Variants in SCAPER observed in about 807,000 individuals in gnomAD.
SCAPER encodes the protein S-phase cyclin A associated protein in the ER.
Under a neutral mutation model 182.2 loss-of-function variants are expected in SCAPER, and 98 were observed. The ratio of observed to expected loss-of-function variants is 0.54; its 90% confidence interval spans 0.46 to 0.64. The LOEUF is 0.64. SCAPER is among the 30% of genes least tolerant of loss of function. The probability of loss-of-function intolerance (pLI) is 0.00; values close to 1 mark genes in which losing one functional copy is unlikely to be tolerated. For missense variants in SCAPER, 1,432 were observed against 1,690.0 expected (o/e 0.85, Z 2.68); for synonymous variants, 605 against 564.6 (o/e 1.07, Z -1.01).
chr15:76,671,626 C>T lies in SCAPER; in HGVS notation c.2509-5837G>A, dbSNP rs138732715. On this transcript the variant is annotated intron_variant, in intron 20 of 31. Transcript: ENST00000563290. ...CTACTAAAAATACAAAAAAATTAGC[C>T]GGGAGTGATGGCAGGTGCCTGTAGT... 1.5e-3 allele frequency among the ~76,000 whole-genome samples: 231 copies of T among 151,922 alleles called. 2 individuals carry two copies. Among genetic ancestry groups the T allele is most frequent in the African/African-American group, 5.0e-3 (209 of 41,434 alleles).
At chr15:76,559,675 T>C (rs895710409) in intron 23 of SCAPER, among the ~76,000 whole-genome samples, 3 of 152,118 alleles carry the variant, frequency 2.0e-5, no homozygotes, top group African/African-American at 7.2e-5. Flanking sequence ...CATTTGTAAG[T>C]GGGAGCTAAA....
intron 15 of SCAPER, among the ~76,000 whole-genome samples, chr15:76,739,126 T>A (rs1228977215): frequency 6.6e-6 from 1 of 152,172 alleles, no homozygotes; most frequent in Non-Finnish European, 1.5e-5. Flanking sequence ...AGGATGTGCA[T>A]AAGTTATATG....
chr15:76,569,915 T>C (rs892497313), intron 23 of SCAPER, among the ~76,000 whole-genome samples: 2 of 152,160 alleles, frequency 1.3e-5, no homozygotes, highest in African/African-American at 2.4e-5. Flanking sequence ...TCTTTGATCA[T>C]TGTAAGCATA....
chr15:76,548,757 AC>A (rs1342485948), intron 23 of SCAPER, among the ~76,000 whole-genome samples: 1 of 152,228 alleles, frequency 6.6e-6, no homozygotes, highest in Non-Finnish European at 1.5e-5. Context: ...GAAAGCTGAA[AC>A]TGGATCCCTT....
chr15:76,791,841 A>C lies in SCAPER; in HGVS notation c.772+3439T>G, dbSNP rs1218068331. 4.6e-5 allele frequency among the ~76,000 whole-genome samples: 7 copies of C among 152,148 alleles called. No homozygotes were observed. The South Asian group carries it at 1.5e-3, about 32-fold the overall frequency. ...TTCATTTGAGACCCCAAAAGGCATA[A>C]GGACTAATTAAAACACATCAAACTT... is the stretch of plus-strand genomic sequence containing the variant. On this transcript the variant is annotated intron_variant, in intron 8 of 31. Transcript: ENST00000563290.
At chr15:76,539,160 G>T (rs562066672) in intron 23 of SCAPER, among the ~76,000 whole-genome samples, 4 of 152,156 alleles carry the variant, frequency 2.6e-5, no homozygotes, top group Non-Finnish European at 4.4e-5. Context: ...AAGCAAATTA[G>T]CTGTAGAAAA....
chr15:76,353,835 G>C (rs1453639605), intron 30 of SCAPER, 114 bp downstream of exon 30: 1 of 861,590 alleles, frequency 1.2e-6, no homozygotes, highest in Non-Finnish European at 1.7e-6. Flanking sequence ...ATAAATATGT[G>C]AAGATTTTAA....
chr15:76,844,946 T>C (rs2069907692), intron 4 of SCAPER, among the ~76,000 whole-genome samples: 1 of 152,098 alleles, frequency 6.6e-6, no homozygotes, highest in Non-Finnish European at 1.5e-5. Context: ...TTGATGAACA[T>C]TGACGCAAAA....
chr15:76,700,597 G>A (rs570222025), intron 20 of SCAPER, among the ~76,000 whole-genome samples: 1 of 152,224 alleles, frequency 6.6e-6, no homozygotes, highest in East Asian at 1.9e-4. Context: ...CTCAGAGTGT[G>A]CCAGCCTTCT....
chr15:76,840,737 G>C (rs900454058), intron 5 of SCAPER, among the ~76,000 whole-genome samples: 1 of 152,052 alleles, frequency 6.6e-6, no homozygotes, highest in African/African-American at 2.4e-5. Flanking sequence ...GTATCACTCT[G>C]GTTTTCCTCA....
intron 29 of SCAPER, among the ~76,000 whole-genome samples, chr15:76,360,977 A>C (rs2041369996): frequency 6.6e-6 from 1 of 152,094 alleles, no homozygotes; most frequent in South Asian, 2.1e-4. Context: ...TATTATGTCA[A>C]ATATATTTGT....
At chr15:76,379,581 A>G (rs937754782) in intron 28 of SCAPER, 6 of 152,126 alleles carry the variant, frequency 3.9e-5, no homozygotes, top group African/African-American at 4.8e-5. Flanking sequence ...CAAGTAGGGG[A>G]TAAGTTTCAA....
At chr15:76,856,306 G>A (rs2071363082) in intron 4 of SCAPER, among the ~76,000 whole-genome samples, 1 of 151,938 alleles carries the variant, frequency 6.6e-6, no homozygotes, top group Non-Finnish European at 1.5e-5. Flanking sequence ...AATAACTATT[G>A]GGTACTAGGC....
At chr15:76,459,040 ATGTGCCACCATGCC>A (rs2142933927) in intron 25 of SCAPER, among the ~76,000 whole-genome samples, 1 of 152,160 alleles carries the variant, frequency 6.6e-6, no homozygotes. Context: ...GACTACAGGC[ATGTGCCACCATGCC>A]TGGCAAATTC....
rs142450294 is a variant in SCAPER at position 76,858,873 on chromosome 15, T to C, written c.125-994A>G. On this transcript the variant is annotated intron_variant, in intron 3 of 31. Transcript: ENST00000563290. ...CACATTTTCTTTATCCAGTCTACCATTGATGGCCATTTAGGTTGATTCCAT... is the reference window on the plus strand; with the variant it reads ...CACATTTTCTTTATCCAGTCTACCACTGATGGCCATTTAGGTTGATTCCAT... Among the ~76,000 whole-genome samples the C allele has an allele frequency of 5.3e-3, 800 of 152,334 alleles. 8 individuals carry two copies. The highest frequency in any genetic ancestry group is 0.015 in the African/African-American group (605 of 41,588).
intron 14 of SCAPER, among the ~76,000 whole-genome samples, chr15:76,757,239 A>G (rs1158143832): frequency 1.3e-5 from 2 of 152,196 alleles, no homozygotes; most frequent in East Asian, 1.9e-4. Context: ...TTAATCTTGC[A>G]TAAGTCAAAC....
chr15:76,653,854 A>T (rs203753), intron 21 of SCAPER, among the ~76,000 whole-genome samples: 20,469 of 152,230 alleles, frequency 0.13, 1,418 homozygotes, highest in African/African-American at 0.17. Context: ...AATAAGCAAC[A>T]AGTGGGACAT....
At chr15:76,368,448 T>A (rs1297935696) in intron 29 of SCAPER, among the ~76,000 whole-genome samples, 1 of 152,262 alleles carries the variant, frequency 6.6e-6, no homozygotes, top group East Asian at 1.9e-4. Flanking sequence ...AATTAACGTT[T>A]GGCGTTTCTC....
intron 1 of SCAPER, among the ~76,000 whole-genome samples, chr15:76,893,263 C>T (rs956803072): frequency 6.6e-6 from 1 of 152,094 alleles, no homozygotes; most frequent in African/African-American, 2.4e-5. Context: ...CAACATGGCA[C>T]ATGTATACCT....
Sources: gnomAD v4.1 joint callset for allele counts (sites outside exome capture counted in the v4.1 genomes callset) on GRCh38, gnomAD v4.1.1 for gene constraint, MANE v1.5 for transcripts, NCBI Gene and HGNC (gene_info 2026-07-23, HGNC 2026-07-21) for gene names.